ROBO1: variants seen among roughly 807,000 people sequenced by gnomAD.
ROBO1 encodes roundabout homolog 1.
A neutral mutation model predicts 195.9 loss-of-function variants in ROBO1; 149 were observed. The observed-to-expected ratio is 0.76, with a 90% CI of 0.67 to 0.87. The LOEUF (loss-of-function observed/expected upper bound fraction) is 0.87, where lower values mean the gene tolerates loss of function less well. Among genes scored for constraint, ROBO1 ranks in the 40% least tolerant of loss-of-function variants. ROBO1 has a pLI of 0.00. For synonymous variants in ROBO1, 816 were observed against 733.2 expected, an observed-to-expected ratio of 1.11 and a Z score of -1.82; for missense variants, 1,933 against 2,068.3, an observed-to-expected ratio of 0.93 and a Z score of 1.27.
chr3:79,690,453 A>G (rs145048738), intron 1 of ROBO1, among the ~76,000 whole-genome samples: 2 of 152,054 alleles, frequency 1.3e-5, no homozygotes, highest in Non-Finnish European at 2.9e-5. Context: ...AGGCAAAAAC[A>G]AAACAAAATA....
intron 1 of ROBO1, among the ~76,000 whole-genome samples, chr3:79,767,230 G>A (rs4856328): frequency 6.6e-6 from 1 of 151,914 alleles, no homozygotes; most frequent in Non-Finnish European, 1.5e-5. Flanking sequence ...CTATGCCTCA[G>A]TCAGCTCACA....
intron 26 of ROBO1, among the ~76,000 whole-genome samples, chr3:78,620,862 G>T (rs1704409168): frequency 8.5e-6 from 1 of 117,312 alleles, no homozygotes; most frequent in South Asian, 2.8e-4. Flanking sequence ...ATATATAAGT[G>T]TAAATATATT....
intron 26 of ROBO1, among the ~76,000 whole-genome samples, chr3:78,621,398 G>A (rs1333812747): frequency 1.3e-5 from 2 of 152,148 alleles, no homozygotes; most frequent in African/African-American, 4.8e-5. Context: ...CAGAATGGCC[G>A]ACTTCACTAT....
intron 3 of ROBO1, among the ~76,000 whole-genome samples, chr3:78,952,281 A>G (rs1050786214): frequency 6.6e-6 from 1 of 150,988 alleles, no homozygotes; most frequent in African/African-American, 2.4e-5. Context: ...TAGCTGACAG[A>G]TACACCATAA....
At chr3:79,019,876 T>G (rs1381292737) in intron 3 of ROBO1, among the ~76,000 whole-genome samples, 1 of 152,034 alleles carries the variant, frequency 6.6e-6, no homozygotes, top group African/African-American at 2.4e-5. Context: ...AAAAAATCAA[T>G]TTTGAGCAAC....
intron 3 of ROBO1, among the ~76,000 whole-genome samples, chr3:79,005,637 T>A (rs766550175): frequency 6.6e-6 from 1 of 152,196 alleles, no homozygotes; most frequent in African/African-American, 2.4e-5. Context: ...CCAAATGTTA[T>A]TTTAGAAATA....
intron 3 of ROBO1, among the ~76,000 whole-genome samples, chr3:78,943,005 G>C (rs1433264841): frequency 6.6e-6 from 1 of 152,026 alleles, no homozygotes; most frequent in African/African-American, 2.4e-5. Context: ...ACCAGGTCAG[G>C]AGATGGAGAC....
chr3:79,333,021 G>A (rs2034511808), intron 2 of ROBO1, among the ~76,000 whole-genome samples: 1 of 152,004 alleles, frequency 6.6e-6, no homozygotes, highest in African/African-American at 2.4e-5. Flanking sequence ...GACCAATACG[G>A]CGAAACCCCG....
chr3:78,841,061 C>CAAA (rs35964780), intron 4 of ROBO1, among the ~76,000 whole-genome samples: 1 of 118,792 alleles, frequency 8.4e-6, no homozygotes. Context: ...GACTGTGTCT[C>CAAA]AAAAAAAAAA....
chr3:79,053,220 C>A (rs895908342), intron 3 of ROBO1, among the ~76,000 whole-genome samples: 3 of 151,834 alleles, frequency 2.0e-5, no homozygotes, highest in African/African-American at 7.3e-5. Flanking sequence ...ATCTGACGAC[C>A]CTCCACCTCT....
chr3:79,245,110 T>A (rs1413256812), intron 2 of ROBO1, among the ~76,000 whole-genome samples: 1 of 152,120 alleles, frequency 6.6e-6, no homozygotes, highest in Non-Finnish European at 1.5e-5. Context: ...GTTTTATGTG[T>A]ATATATTTTA....
intron 2 of ROBO1, among the ~76,000 whole-genome samples, chr3:79,457,574 C>T (rs889425749): frequency 6.6e-6 from 1 of 152,072 alleles, no homozygotes; most frequent in Non-Finnish European, 1.5e-5. Flanking sequence ...ATCTTGAGCT[C>T]CCATAATCCC....
At chr3:79,079,525 T>A (rs1022337999) in intron 3 of ROBO1, among the ~76,000 whole-genome samples, 3 of 151,834 alleles carry the variant, frequency 2.0e-5, no homozygotes, top group Non-Finnish European at 2.9e-5. Flanking sequence ...AAGTACTGGT[T>A]CTGCTTTGTC....
chr3:79,670,717 G>A (rs1161713524), intron 1 of ROBO1, among the ~76,000 whole-genome samples: 1 of 151,816 alleles, frequency 6.6e-6, no homozygotes, highest in Non-Finnish European at 1.5e-5. Flanking sequence ...AGAGGACTCA[G>A]CATTCAAACT....
intron 1 of ROBO1, among the ~76,000 whole-genome samples, chr3:79,695,459 T>C (rs998114289): frequency 2.6e-5 from 4 of 151,622 alleles, no homozygotes; most frequent in Non-Finnish European, 5.9e-5. Context: ...ATATGGGCTA[T>C]TGATTATCAA....
chr3:78,876,139 G>A (rs1214932872), intron 4 of ROBO1, among the ~76,000 whole-genome samples: 2 of 152,086 alleles, frequency 1.3e-5, no homozygotes, highest in African/African-American at 2.4e-5. Flanking sequence ...CTTCAAGGAT[G>A]AATGATGTTG....
At chr3:79,645,154 A>G (rs1945781633) in intron 1 of ROBO1, among the ~76,000 whole-genome samples, 1 of 152,126 alleles carries the variant, frequency 6.6e-6, no homozygotes, top group African/African-American at 2.4e-5. Context: ...TCAGGGACCT[A>G]GAAAAGCAAA....
chr3:79,141,973 G>C (rs13327845), intron 2 of ROBO1, among the ~76,000 whole-genome samples: 1 of 151,638 alleles, frequency 6.6e-6, no homozygotes, highest in Non-Finnish European at 1.5e-5. Context: ...GACATTTGTG[G>C]TTTTTTTTGT....
chr3:79,699,960 T>G lies in ROBO1; in HGVS notation c.-51+67792A>C, dbSNP rs140379567. 9.8e-3 allele frequency among the ~76,000 whole-genome samples: 1,482 copies of G among 151,738 alleles called. 14 individuals are homozygous for G. The highest frequency in any genetic ancestry group is 0.034 in the Middle Eastern group (10 of 294). ...ACCCAGGTACTGAGCATAGTACAAATAGTTTTTCAGCCCTTGTCCTCCTCC... is the reference window on the plus strand; with the variant it reads ...ACCCAGGTACTGAGCATAGTACAAAGAGTTTTTCAGCCCTTGTCCTCCTCC... On this transcript the variant is annotated intron_variant, in intron 1 of 30. Coordinates refer to ENST00000464233, the MANE Select transcript of ROBO1 (RefSeq NM_002941.4).
Sources: gnomAD v4.1 joint callset for allele counts (sites outside exome capture counted in the v4.1 genomes callset) on GRCh38, gnomAD v4.1.1 for gene constraint, MANE v1.5 for transcripts, NCBI Gene and HGNC (gene_info 2026-07-23, HGNC 2026-07-21) for gene names.